Variants in KDM4C observed in about 807,000 individuals in gnomAD.
The protein encoded by KDM4C is lysine demethylase 4C, also known as lysine-specific demethylase 4C.
Under a neutral mutation model 129.3 loss-of-function variants are expected in KDM4C, and 81 were observed. That is an observed-to-expected ratio of 0.63 (90% CI 0.52 to 0.75). The LOEUF (loss-of-function observed/expected upper bound fraction) is 0.75, where lower values mean the gene tolerates loss of function less well. KDM4C is among the 30% of genes least tolerant of loss of function. The pLI is 0.00. For synonymous variants in KDM4C, 573 were observed against 456.1 expected, an observed-to-expected ratio of 1.26 and a Z score of -3.26; for missense variants, 1,457 against 1,304.0, an observed-to-expected ratio of 1.12 and a Z score of -1.81.
At chr9:6,769,855 C>T (rs530356533) in intron 1 of KDM4C, among the ~76,000 whole-genome samples, 2 of 152,232 alleles carry the variant, frequency 1.3e-5, no homozygotes, top group East Asian at 3.9e-4. Flanking sequence ...TTTTTGTGAA[C>T]ATTAATGAGG....
chr9:6,737,426 C>A (rs1487297118), intron 1 of KDM4C, among the ~76,000 whole-genome samples: 1 of 150,750 alleles, frequency 6.6e-6, no homozygotes, highest in Non-Finnish European at 1.5e-5. Flanking sequence ...TTTGGGAGGC[C>A]GAGGCAGATG....
intron 8 of KDM4C, among the ~76,000 whole-genome samples, chr9:6,927,535 T>A (rs1345279474): frequency 6.6e-6 from 1 of 152,202 alleles, no homozygotes; most frequent in Non-Finnish European, 1.5e-5. Context: ...ATAAGTGATG[T>A]TAATTAGAAT....
At chr9:7,105,148 A>G (rs1837533921) in intron 18 of KDM4C, among the ~76,000 whole-genome samples, 2 of 152,228 alleles carry the variant, frequency 1.3e-5, no homozygotes, top group South Asian at 4.1e-4. Flanking sequence ...AAAAATACCT[A>G]GTAATAACAC....
At chr9:7,055,852 C>T (rs534087951) in intron 17 of KDM4C, among the ~76,000 whole-genome samples, 126 of 152,216 alleles carry the variant, frequency 8.3e-4, no homozygotes, top group African/African-American at 2.8e-3. Flanking sequence ...CAGCAATGTT[C>T]GTGAGCAACT....
chr9:7,097,399 C>T (rs562743069), intron 17 of KDM4C, among the ~76,000 whole-genome samples: 1 of 152,356 alleles, frequency 6.6e-6, no homozygotes, highest in African/African-American at 2.4e-5. Context: ...GGTTGGAACT[C>T]ATCCAGCTGT....
chr9:6,839,929 G>A (rs1270553179), intron 4 of KDM4C, among the ~76,000 whole-genome samples: 1 of 151,338 alleles, frequency 6.6e-6, no homozygotes, highest in African/African-American at 2.4e-5. Context: ...TCACATTAAT[G>A]GGTTAATGAG....
At chr9:7,108,957 A>G (rs541640143) in intron 18 of KDM4C, among the ~76,000 whole-genome samples, 1 of 152,366 alleles carries the variant, frequency 6.6e-6, no homozygotes, top group African/African-American at 2.4e-5. Context: ...GTAAAAGGGC[A>G]GGCAGTATTT....
At chr9:6,739,122 G>A (rs1323484834) in intron 1 of KDM4C, among the ~76,000 whole-genome samples, 1 of 151,982 alleles carries the variant, frequency 6.6e-6, no homozygotes, top group African/African-American at 2.4e-5. Flanking sequence ...ACCTAAATTG[G>A]AGTGCAGTGG....
chr9:6,907,499 A>T (rs1289947608), intron 8 of KDM4C, among the ~76,000 whole-genome samples: 1 of 152,208 alleles, frequency 6.6e-6, no homozygotes, highest in Non-Finnish European at 1.5e-5. Context: ...CATCTTATAG[A>T]CACATAGCAG....
intron 4 of KDM4C, among the ~76,000 whole-genome samples, chr9:6,831,732 G>C (rs1020665924): frequency 6.6e-6 from 1 of 152,178 alleles, no homozygotes; most frequent in South Asian, 2.1e-4. Context: ...GAGGGAGGAA[G>C]AGTGAAGGGC....
chr9:6,852,476 C>G (rs892379837), intron 5 of KDM4C, among the ~76,000 whole-genome samples: 1 of 152,138 alleles, frequency 6.6e-6, no homozygotes, highest in Non-Finnish European at 1.5e-5. Flanking sequence ...ATCAGAGTCA[C>G]AGGAATATTT....
intron 4 of KDM4C, chr9:6,815,242 G>A (rs1350045039): frequency 6.6e-6 from 1 of 151,638 alleles, no homozygotes; most frequent in Non-Finnish European, 1.5e-5. Context: ...CCATTTTAAT[G>A]GTGGCGTAAT....
chr9:6,986,877 G>T, intron 11 of KDM4C: 1 of 466,722 alleles, frequency 2.1e-6, no homozygotes, highest in Non-Finnish European at 3.8e-6. Flanking sequence ...GGAGCTTATG[G>T]CCACGTGTCG....
At chr9:7,124,137 G>T (rs1587756247) in intron 18 of KDM4C, among the ~76,000 whole-genome samples, 1 of 152,202 alleles carries the variant, frequency 6.6e-6, no homozygotes, top group East Asian at 1.9e-4. Flanking sequence ...GGCTGACGAG[G>T]GTTATGTAAC....
chr9:6,956,317 G>A lies in KDM4C; in HGVS notation c.922-24608G>A, dbSNP rs577502912. On this transcript the variant is annotated intron_variant, in intron 8 of 21. Coordinates refer to ENST00000381309, the MANE Select transcript of KDM4C (RefSeq NM_015061.6). ...ATGGATACTCCATTCCCCATGATGT[G>A]CTTATTTCACATTGCATGCTTGTAT... 3.9e-5 allele frequency among the ~76,000 whole-genome samples: 6 copies of A among 152,196 alleles called. No homozygotes were observed. The South Asian group carries it at 1.2e-3, about 32-fold the overall frequency.
At chr9:6,980,357 G>T (rs1010797283) in intron 8 of KDM4C, among the ~76,000 whole-genome samples, 1 of 152,100 alleles carries the variant, frequency 6.6e-6, no homozygotes, top group African/African-American at 2.4e-5. Flanking sequence ...GGATATGTTT[G>T]TTGTTGTTGT....
In KDM4C at chr9:6,998,906, C is replaced by G. The variant is rs528530231; in HGVS notation, c.1786+8382C>G. 2.6e-5 allele frequency among the ~76,000 whole-genome samples: 4 copies of G among 152,256 alleles called. No individual in the cohort carries two copies. The South Asian group carries it at 8.3e-4, about 32-fold the overall frequency. On this transcript the variant is annotated intron_variant, in intron 12 of 21. Transcript: ENST00000381309. ...GTGTGTTTTCCCAGGACTAGAGCTG[C>G]CCACTGATTGCACTTCATTCTAGGT...
chr9:7,091,200 G>A (rs1835758037), intron 17 of KDM4C, among the ~76,000 whole-genome samples: 1 of 151,996 alleles, frequency 6.6e-6, no homozygotes, highest in Non-Finnish European at 1.5e-5. Context: ...ACTTTCTTTT[G>A]TCACTGTCAT....
At chr9:7,158,855 G>C (rs1843473939) in intron 19 of KDM4C, among the ~76,000 whole-genome samples, 1 of 152,124 alleles carries the variant, frequency 6.6e-6, no homozygotes, top group Admixed American at 6.5e-5. Flanking sequence ...TGTCTTTTAG[G>C]TCTGCTTGGT....
Sources: allele counts gnomAD v4.1 joint callset (sites outside exome capture counted in the v4.1 genomes callset), GRCh38; gene constraint gnomAD v4.1.1; transcripts MANE v1.5; gene names NCBI Gene and HGNC (gene_info 2026-07-23, HGNC 2026-07-21).